Variants in ANKRD33 observed in about 807,000 individuals in gnomAD.
ANKRD33 encodes ankyrin repeat domain 33.
ANKRD33 carries 20 observed loss-of-function variants against 20.6 expected under a neutral mutation model. The ratio of observed to expected loss-of-function variants is 0.97; its 90% CI spans 0.68 to 1.41. The LOEUF is 1.41. Ranked by LOEUF, ANKRD33 falls within the 40% of genes most tolerant of loss-of-function variation. ANKRD33 has a pLI of 0.00. For missense variants in ANKRD33, 545 were observed against 579.6 expected, an observed-to-expected ratio of 0.94 and a Z score of 0.61; for synonymous variants, 246 against 245.0, an observed-to-expected ratio of 1.00 and a Z score of -0.04.
In ANKRD33 at chr12:51,890,644, T is replaced by G; in HGVS notation, c.698T>G (p.Leu233Arg). ...AAGACGGCCCTGGAATGGGCAGTGC[T>G]GACCGACAGCTTCGACACCGTGTGG... is the stretch of plus-strand genomic sequence containing the variant. ...RGKTALEWAV[L>R]TDSFDTVWRI... The change falls in exon 5 of 5, where the codon CTG (leucine) becomes CGG (arginine). Residue 233 changes from leucine (L) to arginine (R), a missense_variant. Transcript: ENST00000301190. The G allele has an allele frequency of 6.2e-7, 1 of 1,609,310 alleles. No individual in the cohort carries two copies. The highest frequency in any genetic ancestry group is 8.5e-7 in the Non-Finnish European group (1 of 1,180,002).
chr12:51,890,991 GC>G lies in ANKRD33; in HGVS notation c.1049del (p.Pro350ArgfsTer31). ...GTCCGTGCCAGAGCTGTTAGGTACT[GC>G]CCCGCCCCCTCCCCTGGTTCCCCAG... The part of the protein sequence containing the change: ...SKSVPELLGT[A>X]PPPPLVPQSP... On this transcript the variant is annotated frameshift_variant, in exon 5 of 5. Coordinates refer to ENST00000301190, the MANE Select transcript of ANKRD33 (RefSeq NM_182608.4). LOFTEE classifies it low-confidence loss of function (END_TRUNC). 6.2e-7 allele frequency: 1 copy of G among 1,613,480 alleles called. No homozygotes were observed.
rs1325009176 is a variant in ANKRD33, at chr12:51,888,888, C to T, written c.396+70C>T. The T allele has an allele frequency of 1.3e-5, 21 of 1,600,442 alleles. No individual in the cohort carries two copies. The African/African-American group carries it at 2.4e-4, about 18-fold the overall frequency. Reference sequence around the variant, plus strand: ...TCCCCACCACACCGTCCTGGCCTGGCTCCCTGAGAGGGGTTCAGGGGCAAT... The same window carrying T: ...TCCCCACCACACCGTCCTGGCCTGGTTCCCTGAGAGGGGTTCAGGGGCAAT... On this transcript the variant is annotated intron_variant, in intron 2 of 4. Transcript: ENST00000301190.
At chr12:51,888,945 G>A (rs573307877) in intron 2 of ANKRD33, 122 bp from the exon 3 acceptor site, 1 of 1,582,592 alleles carries the variant, frequency 6.3e-7, no homozygotes, top group Admixed American at 1.7e-5. Flanking sequence ...GAAGGGAATG[G>A]TTAAGGGCGG....
At chr12:51,890,483 T>C (rs1940383279) in intron 4 of ANKRD33, 101 bp from the exon 5 acceptor site, 1 of 1,536,576 alleles carries the variant, frequency 6.5e-7, no homozygotes, top group Non-Finnish European at 8.7e-7. Context: ...ACTCTATGGC[T>C]TCGAATGTAA....
At position 51,891,073 on chromosome 12, in the gene ANKRD33, C is replaced by T; in HGVS notation, c.1127C>T (p.Pro376Leu). The stretch of plus-strand genomic sequence containing the variant: ...TGGGTCTTCGTCCCCTACCAGAGCC[C>T]TCAGGGCATATTGAGCAAGTGCCTT... ...SPWVFVPYQS[P>L]QGILSKCLQW... is the part of the protein sequence containing the mutation. The change falls in exon 5 of 5, where the codon CCT (proline) becomes CTT (leucine). Residue 376 changes from proline (P) to leucine (L), a missense_variant. Physicochemically the swap from Pro to Leu is moderately conservative, Grantham distance 98. Coordinates refer to ENST00000301190, the MANE Select transcript of ANKRD33 (RefSeq NM_182608.4). 1.2e-6 allele frequency: 2 copies of T among 1,614,140 alleles called. No homozygotes were observed. Among genetic ancestry groups the T allele is most frequent in the Admixed American group, 3.3e-5 (2 of 60,022 alleles).
At position 51,889,163 on chromosome 12, in the gene ANKRD33, G is replaced by A. The variant is rs1394054066; in HGVS notation, c.493G>A (p.Gly165Arg). The A allele has an allele frequency of 6.2e-7, 1 of 1,614,244 alleles. No individual in the cohort carries two copies. The highest frequency in any genetic ancestry group is 2.2e-5 in the East Asian group (1 of 44,888). The change falls in exon 3 of 5, where the codon GGG (glycine) becomes AGG (arginine). Residue 165 changes from glycine to arginine, a missense_variant. Physicochemically the swap from Gly to Arg is moderately radical, Grantham distance 125. Transcript: ENST00000301190. ...TGATGTGAACCAGCAGGACAAAGGA[G>A]GGGACACGGCCCTCATGTTGGCTGC... ...FLDVNQQDKGGDTALMLAAQA... is the reference protein window; with the variant it reads ...FLDVNQQDKGRDTALMLAAQA...
At chr12:51,889,716 T>G in intron 4 of ANKRD33, 1 of 766,774 alleles carries the variant, frequency 1.3e-6, no homozygotes, top group Non-Finnish European at 2.0e-6. Flanking sequence ...TCAGACATTG[T>G]GTGTGGAGGT....
chr12:51,888,424 T>G, intron 1 of ANKRD33, 93 bp downstream of exon 1: 1 of 1,582,348 alleles, frequency 6.3e-7, no homozygotes, highest in Non-Finnish European at 8.6e-7. Flanking sequence ...ACCCAGCGCT[T>G]GTCCTTTCTC....
In ANKRD33 at chr12:51,890,564, C is replaced by A. The variant is rs774959894; in HGVS notation, c.638-20C>A. 6.2e-7 allele frequency: 1 copy of A among 1,604,766 alleles called. No homozygotes were observed. The highest frequency in any genetic ancestry group is 8.5e-7 in the Non-Finnish European group (1 of 1,177,516). ...CCAACCCCTATCCCGCCCCATGTCA[C>A]CCCCTGTGCTCCTTCCCAGGTGCTG... On this transcript the variant is annotated intron_variant, in intron 4 of 4. Coordinates refer to ENST00000301190, the MANE Select transcript of ANKRD33 (RefSeq NM_182608.4).
In ANKRD33 at chr12:51,891,012, C is replaced by A. The variant is rs1482460146; in HGVS notation, c.1066C>A (p.Pro356Thr). 6.2e-7 allele frequency: 1 copy of A among 1,613,412 alleles called. No homozygotes were observed. Among genetic ancestry groups the A allele is most frequent in the Non-Finnish European group, 8.5e-7 (1 of 1,179,820 alleles). ...TACTGCCCCGCCCCCTCCCCTGGTTCCCCAGTCCCCGCCAGGGAGTCCCCA... is the reference window on the plus strand; with the variant it reads ...TACTGCCCCGCCCCCTCCCCTGGTTACCCAGTCCCCGCCAGGGAGTCCCCA... The part of the protein sequence containing the change: ...LGTAPPPPLV[P>T]QSPPGSPQRS... The change falls in exon 5 of 5, where the codon CCC becomes ACC. Residue 356 changes from proline (P) to threonine (T), a missense_variant. Coordinates refer to ENST00000301190, the MANE Select transcript of ANKRD33 (RefSeq NM_182608.4).
Position 51,888,221 on chromosome 12 carries a change from C to G in ANKRD33, c.35C>G (p.Ser12Cys). 6.2e-7 allele frequency: 1 copy of G among 1,614,228 alleles called. No individual in the cohort carries two copies. The highest frequency in any genetic ancestry group is 8.5e-7 in the Non-Finnish European group (1 of 1,180,044). Reference sequence around the variant, plus strand: ...CAGCCATCTGTTACCTGCGTTGCTTCCTGGGGAGGGATAGTCCACCTGGAG... The same window carrying G: ...CAGCCATCTGTTACCTGCGTTGCTTGCTGGGGAGGGATAGTCCACCTGGAG... ...KVQPSVTCVA[S>C]WGGIVHLEAF... Residue 12 changes from serine (S) to cysteine (C), a missense_variant, in exon 1 of 5, where the codon TCC becomes TGC. Transcript: ENST00000301190.
In ANKRD33 at chr12:51,891,452, AGCAT is replaced by A; in HGVS notation, c.*148_*151del. ...ATATATATACAAGGTCATTCATTCT[AGCAT>A]TGTTTGCAAGAGTGAAAGAGTGGAA... On this transcript the variant is annotated 3_prime_UTR_variant, in exon 5 of 5. Transcript: ENST00000301190. 1 of 1,329,276 alleles carries A rather than the reference AGCAT, an allele frequency of 7.5e-7. No individual in the cohort carries two copies. The highest frequency in any genetic ancestry group is 2.5e-5 in the East Asian group (1 of 39,446). The allele number at this position is 1,329,276 out of a possible 1,614,324, so 82.3% of individuals were successfully genotyped here.
chr12:51,888,353 C>G, intron 1 of ANKRD33, 22 bp downstream of exon 1: 1 of 1,613,790 alleles, frequency 6.2e-7, no homozygotes, highest in Non-Finnish European at 8.5e-7. Context: ...CGACGACCCT[C>G]TCTCCGTGAG....
At chr12:51,889,604 AG>A (rs774597541) in intron 4 of ANKRD33, 122 bp downstream of exon 4, 49 of 1,464,480 alleles carry the variant, frequency 3.3e-5, no homozygotes, top group Middle Eastern at 4.9e-4. Flanking sequence ...ATTTGCAGAA[AG>A]GAGAGAGGTG....
In ANKRD33 at chr12:51,890,624, G is replaced by A. The variant is rs751378413; in HGVS notation, c.678G>A (p.Thr226=). 1.1e-5 allele frequency: 17 copies of A among 1,610,190 alleles called. No homozygotes were observed. In the East Asian group the frequency reaches 1.6e-4, roughly 15 times the overall value. Residue 226 remains threonine (T), a synonymous_variant, in exon 5 of 5, where the codon ACG becomes ACA. Transcript: ENST00000301190. ...CAGTGGACCCTGTTCGGGGCAAGAC[G>A]GCCCTGGAATGGGCAGTGCTGACCG... ...LTAVDPVRGK[T]ALEWAVLTDS...
Position 51,890,843 on chromosome 12 carries a change from T to C in ANKRD33, c.897T>C (p.Pro299=). Residue 299 remains proline (P), a synonymous_variant, in exon 5 of 5, where the codon CCT becomes CCC. Coordinates refer to ENST00000301190, the MANE Select transcript of ANKRD33 (RefSeq NM_182608.4). The stretch of plus-strand genomic sequence containing the variant: ...TGAGCCTCCCCTTTGCCCCGTCTCC[T>C]CAGGAGGGGGGTGTTCTGGACCACC... ...ATLSLPFAPS[P]QEGGVLDHLV... is the part of the protein sequence containing the mutation. The C allele has an allele frequency of 6.2e-7, 1 of 1,612,466 alleles. No homozygotes were observed.
In ANKRD33 at chr12:51,889,025, G is replaced by A. The variant is rs770094102; in HGVS notation, c.397-42G>A. On this transcript the variant is annotated intron_variant, in intron 2 of 4. Coordinates refer to ENST00000301190, the MANE Select transcript of ANKRD33 (RefSeq NM_182608.4). ...AGAGGGTGCAAGGGGCCCTGGAGTG[G>A]CCCAGGGGGAAAGCAGGGGATCTGA... The A allele has an allele frequency of 9.3e-6, 15 of 1,613,260 alleles. No individual in the cohort carries two copies. The East Asian group carries it at 2.9e-4, about 31-fold the overall frequency.
Position 51,891,316 on chromosome 12 carries a change from G to T in ANKRD33, c.*11G>T. ...ATGGCACAGAAGTAGGGGAAGATGG[G>T]ATAGGACAGGCTGGGAACAGGTAAT... is the stretch of plus-strand genomic sequence containing the variant. On this transcript the variant is annotated 3_prime_UTR_variant, in exon 5 of 5. Coordinates refer to ENST00000301190, the MANE Select transcript of ANKRD33 (RefSeq NM_182608.4). The T allele has an allele frequency of 1.2e-6, 2 of 1,611,776 alleles. No homozygotes were observed. The highest frequency in any genetic ancestry group is 1.7e-6 in the Non-Finnish European group (2 of 1,178,548).
intron 4 of ANKRD33, 164 bp from the exon 5 acceptor site, chr12:51,890,420 T>A: frequency 6.7e-7 from 1 of 1,503,368 alleles, no homozygotes; most frequent in Non-Finnish European, 8.9e-7. Flanking sequence ...TAATCTCTCT[T>A]AAACAGGAGG....
Sources: allele counts gnomAD v4.1 joint callset, GRCh38; gene constraint gnomAD v4.1.1; transcripts MANE v1.5; gene names NCBI Gene and HGNC (gene_info 2026-07-23, HGNC 2026-07-21).